The following ZMYM2 variants were observed in gnomAD, a reference collection of about 807,000 sequenced individuals.
The protein encoded by ZMYM2 is zinc finger MYM-type containing 2, also known as zinc finger MYM-type protein 2.
A neutral mutation model predicts 162.8 loss-of-function variants in ZMYM2; 56 were observed. The ratio of observed to expected loss-of-function variants is 0.34; its 90% CI spans 0.28 to 0.43. The LOEUF is 0.43. Among genes scored for constraint, ZMYM2 ranks in the 20% least tolerant of loss-of-function variants. The pLI is 1.00. For missense variants in ZMYM2, 1,275 were observed against 1,621.8 expected (o/e 0.79, Z 3.67); for synonymous variants, 510 against 541.6 (o/e 0.94, Z 0.81).
At chr13:19,939,682 T>A in the ZMYM2 span, among the ~76,000 whole-genome samples, 2 of 152,174 alleles carry the variant, frequency 1.3e-5, no homozygotes, top group African/African-American at 4.8e-5. Flanking sequence ...ATACAAATAA[T>A]TACAAGTTAG....
the ZMYM2 span, among the ~76,000 whole-genome samples, chr13:19,882,631 C>T: frequency 2.3e-3 from 356 of 152,164 alleles, 3 homozygotes; most frequent in African/African-American, 8.2e-3. Context: ...CCTGTCATCC[C>T]AACTACTCAG....
At chr13:19,928,534 T>C in the ZMYM2 span, among the ~76,000 whole-genome samples, 1 of 152,104 alleles carries the variant, frequency 6.6e-6, no homozygotes, top group Non-Finnish European at 1.5e-5. Context: ...CGGGGGCTCA[T>C]GCCTGTAATC....
the ZMYM2 span, among the ~76,000 whole-genome samples, chr13:19,914,099 G>A: frequency 1.3e-5 from 2 of 152,196 alleles, no homozygotes; most frequent in Non-Finnish European, 2.9e-5. Flanking sequence ...CCTGGGCCGT[G>A]GCCAGTGGTT....
chr13:19,882,415 GTTCAAC>G, the ZMYM2 span, among the ~76,000 whole-genome samples: 12 of 152,096 alleles, frequency 7.9e-5, no homozygotes, highest in Admixed American at 7.2e-4. Flanking sequence ...ATGAAAAGAT[GTTCAAC>G]TTCATTAGTC....
rs776811226 is a variant in ZMYM2, at chr13:19,993,691, G to A, written c.619G>A (p.Gly207Arg). 2.7e-5 allele frequency: 44 copies of A among 1,613,914 alleles called. 1 individual carries two copies. The South Asian group carries it at 4.1e-4, about 15-fold the overall frequency. Reference protein sequence around the residue: ...VNDGQLENTDGRDMNLMITHV... With the variant: ...VNDGQLENTDRRDMNLMITHV... ...TGATGGCCAATTAGAAAATACTGAC[G>A]GGCGAGATATGAACTTAATGATTAC... The change falls in exon 3 of 25, where the codon GGG (glycine) becomes AGG (arginine). Residue 207 changes from glycine (G) to arginine (R), a missense_variant. By Grantham distance (125) the Gly-to-Arg change is moderately radical. This residue lies in a region of ZMYM2 where 295 missense variants were observed against 286.7 expected (regional missense o/e 1.03). Coordinates refer to ENST00000610343, the MANE Select transcript of ZMYM2 (RefSeq NM_197968.4).
intron 20 of ZMYM2, 67 bp from the exon 21 acceptor site, chr13:20,067,172 A>G: frequency 7.0e-7 from 1 of 1,433,140 alleles, no homozygotes; most frequent in East Asian, 2.5e-5. Flanking sequence ...GAATAACGTC[A>G]GAAAGTTTCT....
chr13:20,025,071 C>T (rs1455395896), intron 7 of ZMYM2: 1 of 211,014 alleles, frequency 4.7e-6, no homozygotes, highest in Admixed American at 5.9e-5. Context: ...CATTTATTAC[C>T]TTCATTTTCT....
At chr13:19,938,568 G>C in the ZMYM2 span, among the ~76,000 whole-genome samples, 1 of 133,090 alleles carries the variant, frequency 7.5e-6, no homozygotes, top group African/African-American at 2.9e-5. Flanking sequence ...TAACTTAGTA[G>C]TGTTAAATAA....
chr13:20,068,884 G>A (rs752570836), intron 21 of ZMYM2, among the ~76,000 whole-genome samples: 1 of 152,084 alleles, frequency 6.6e-6, no homozygotes, highest in Non-Finnish European at 1.5e-5. Flanking sequence ...TTTGGGGGCT[G>A]TGTTTTGGGG....
chr13:19,976,655 C>G (rs1956822422), intron 2 of ZMYM2, among the ~76,000 whole-genome samples: 1 of 152,202 alleles, frequency 6.6e-6, no homozygotes, highest in Admixed American at 6.5e-5. Context: ...AAGTGGAATC[C>G]TGCAGTATTT....
chr13:19,909,335 G>A, the ZMYM2 span, among the ~76,000 whole-genome samples: 1 of 151,952 alleles, frequency 6.6e-6, no homozygotes, highest in Non-Finnish European at 1.5e-5. Context: ...TTGTTTAATT[G>A]GAGGTATTAC....
At chr13:19,904,327 C>T in the ZMYM2 span, among the ~76,000 whole-genome samples, 5 of 151,912 alleles carry the variant, frequency 3.3e-5, no homozygotes, top group African/African-American at 9.7e-5. Flanking sequence ...GAGGCCGAGG[C>T]GGGTGGATCA....
chr13:20,008,944 A>C (rs1475955545), intron 6 of ZMYM2, among the ~76,000 whole-genome samples: 2 of 152,216 alleles, frequency 1.3e-5, no homozygotes, highest in Non-Finnish European at 2.9e-5. Flanking sequence ...AGGAATTTTA[A>C]AATAGTATTA....
the ZMYM2 span, among the ~76,000 whole-genome samples, chr13:19,880,230 A>G: frequency 4.6e-5 from 7 of 152,296 alleles, no homozygotes; most frequent in Non-Finnish European, 2.9e-5. Context: ...ATATCCATGT[A>G]TATCCTATTG....
the ZMYM2 span, among the ~76,000 whole-genome samples, chr13:19,930,601 G>C: frequency 1.3e-5 from 2 of 150,300 alleles, no homozygotes; most frequent in African/African-American, 4.9e-5. Flanking sequence ...GCAGTGGCGC[G>C]ATCTTGGCTC....
At chr13:19,881,856 C>T in the ZMYM2 span, among the ~76,000 whole-genome samples, 1 of 151,760 alleles carries the variant, frequency 6.6e-6, no homozygotes, top group African/African-American at 2.4e-5. Context: ...TGGTTGCACG[C>T]CTGTAATCCC....
chr13:20,060,354 A>G (rs1402431879), intron 16 of ZMYM2, among the ~76,000 whole-genome samples: 2 of 152,108 alleles, frequency 1.3e-5, no homozygotes, highest in Admixed American at 1.3e-4. Flanking sequence ...CTCTGTGCAT[A>G]TTAAGTTTAT....
At chr13:19,967,087 C>G (rs777577727) in intron 2 of ZMYM2, among the ~76,000 whole-genome samples, 12 of 152,022 alleles carry the variant, frequency 7.9e-5, no homozygotes, top group East Asian at 1.9e-4. Context: ...TTTCAAGGAC[C>G]TTACTCTTCT....
At chr13:20,085,798 C>G (rs1380559441) in intron 24 of ZMYM2, 24 bp from the exon 25 acceptor site, 2 of 1,561,462 alleles carry the variant, frequency 1.3e-6, no homozygotes, top group Non-Finnish European at 1.7e-6. Flanking sequence ...TTGACTTTTT[C>G]TCTTTTTCCT....
Sources: allele counts gnomAD v4.1 joint callset (sites outside exome capture counted in the v4.1 genomes callset), GRCh38; gene constraint gnomAD v4.1.1; regional missense constraint gnomAD v4.1.1; transcripts MANE v1.5; gene names NCBI Gene and HGNC (gene_info 2026-07-23, HGNC 2026-07-21).